The following WDPCP variants were observed in gnomAD, a reference collection of about 807,000 sequenced individuals.
WDPCP encodes the protein WD repeat-containing and planar cell polarity effector protein fritz homolog.
Under a neutral mutation model 93.1 loss-of-function variants are expected in WDPCP, and 71 were observed. That is an observed-to-expected ratio of 0.76 (90% CI 0.63 to 0.93). The LOEUF is 0.93. WDPCP is among the 40% of genes least tolerant of loss of function. The pLI, the probability that WDPCP is intolerant of heterozygous loss-of-function variation, is 0.00. For missense variants in WDPCP, 844 were observed against 887.4 expected, an observed-to-expected ratio of 0.95 and a Z score of 0.62; for synonymous variants, 315 against 315.0, an observed-to-expected ratio of 1.00 and a Z score of 0.00.
At chr2:63,589,180 ATCT>A (rs958972234), upstream of WDPCP, 4 of 1,607,478 alleles carry the variant, frequency 2.5e-6, no homozygotes, top group African/African-American at 1.3e-5. Context: ...GCTCGGACTC[ATCT>A]TCTGGGGATT....
At chr2:63,180,609 T>C (rs1018360531) in intron 14 of WDPCP, among the ~76,000 whole-genome samples, 14 of 152,168 alleles carry the variant, frequency 9.2e-5, no homozygotes, top group African/African-American at 3.4e-4. Context: ...GGTGATTCCA[T>C]CTCTTTGGTA....
intron 13 of WDPCP, among the ~76,000 whole-genome samples, chr2:63,259,622 A>C (rs1260551476): frequency 6.6e-6 from 1 of 152,216 alleles, no homozygotes; most frequent in Non-Finnish European, 1.5e-5. Flanking sequence ...ATTTAAATAA[A>C]TTATTTTAAG....
At chr2:63,294,899 A>G (rs960357541) in intron 13 of WDPCP, among the ~76,000 whole-genome samples, 3 of 152,206 alleles carry the variant, frequency 2.0e-5, no homozygotes, top group African/African-American at 7.2e-5. Context: ...TTTGGTTGGT[A>G]ATACTACATT....
chr2:63,145,050 G>C (rs114594168), intron 17 of WDPCP, among the ~76,000 whole-genome samples: 2,930 of 152,204 alleles, frequency 0.019, 104 homozygotes, highest in African/African-American at 0.067. Flanking sequence ...TACCCAGCTG[G>C]TTTATCTGGC....
intron 1 of WDPCP, among the ~76,000 whole-genome samples, chr2:63,494,833 T>C (rs941211051): frequency 6.9e-6 from 1 of 145,222 alleles, no homozygotes; most frequent in African/African-American, 2.6e-5. Context: ...GGCAGGAGAA[T>C]GGCGTGAACG....
intron 2 of WDPCP, among the ~76,000 whole-genome samples, chr2:63,703,420 G>C (rs1041395531): frequency 6.6e-6 from 1 of 152,170 alleles, no homozygotes; most frequent in Non-Finnish European, 1.5e-5. Context: ...CATTCTAAGT[G>C]GTGTGAGATG....
chr2:63,489,048 G>A (rs1700724553), intron 2 of WDPCP, among the ~76,000 whole-genome samples: 1 of 152,062 alleles, frequency 6.6e-6, no homozygotes, highest in African/African-American at 2.4e-5. Context: ...CAACAGCCTG[G>A]TGTAGGGTAT....
intron 12 of WDPCP, among the ~76,000 whole-genome samples, chr2:63,321,565 T>A (rs935775311): frequency 2.0e-5 from 3 of 152,160 alleles, no homozygotes; most frequent in Non-Finnish European, 2.9e-5. Context: ...TTATATCTCC[T>A]ACAATTTCTG....
At chr2:63,709,501 A>G (rs377565039) in intron 2 of WDPCP, among the ~76,000 whole-genome samples, 1 of 152,166 alleles carries the variant, frequency 6.6e-6, no homozygotes, top group African/African-American at 2.4e-5. Flanking sequence ...AATAAATAGA[A>G]TCAATTTCAA....
chr2:63,609,892 T>C (rs1378032132), intron 3 of WDPCP, among the ~76,000 whole-genome samples: 1 of 152,176 alleles, frequency 6.6e-6, no homozygotes, highest in Non-Finnish European at 1.5e-5. Context: ...AAGAAAATGT[T>C]ATATGAAGAA....
intron 2 of WDPCP, among the ~76,000 whole-genome samples, chr2:63,796,891 C>T (rs1670625418): frequency 6.6e-6 from 1 of 152,128 alleles, no homozygotes. Context: ...TTTGCACCAC[C>T]CCTCTCCCAA....
intron 1 of WDPCP, among the ~76,000 whole-genome samples, chr2:63,534,111 A>C (rs1315763514): frequency 6.6e-6 from 1 of 152,224 alleles, no homozygotes; most frequent in Non-Finnish European, 1.5e-5. Flanking sequence ...GAAAATCTAG[A>C]AGAAATGGAT....
At chr2:63,212,436 C>A (rs1676902594) in intron 14 of WDPCP, among the ~76,000 whole-genome samples, 1 of 152,112 alleles carries the variant, frequency 6.6e-6, no homozygotes, top group Non-Finnish European at 1.5e-5. Flanking sequence ...TTGTCACCAC[C>A]AGGCCTGCCT....
chr2:63,353,375 A>T (rs559073343), intron 12 of WDPCP, among the ~76,000 whole-genome samples: 1 of 152,302 alleles, frequency 6.6e-6, no homozygotes, highest in South Asian at 2.1e-4. Context: ...GACTGAGCAA[A>T]AACAGCCTGC....
At chr2:63,304,686 C>A (rs1235250627) in intron 13 of WDPCP, among the ~76,000 whole-genome samples, 1 of 152,156 alleles carries the variant, frequency 6.6e-6, no homozygotes, top group Non-Finnish European at 1.5e-5. Flanking sequence ...TGGGAAGACA[C>A]CGAGCTAGCT....
intron 13 of WDPCP, among the ~76,000 whole-genome samples, chr2:63,266,881 A>G (rs923840819): frequency 2.6e-5 from 4 of 152,206 alleles, no homozygotes; most frequent in Non-Finnish European, 5.9e-5. Context: ...TAGTAGAAAC[A>G]GTAGTGTTAA....
chr2:63,329,136 C>T (rs1042662407), intron 12 of WDPCP, among the ~76,000 whole-genome samples: 3 of 152,208 alleles, frequency 2.0e-5, no homozygotes, highest in Non-Finnish European at 2.9e-5. Flanking sequence ...CGTTAGATCT[C>T]TAGGTCTTAC....
chr2:63,738,897 C>T (rs898686993), intron 2 of WDPCP, among the ~76,000 whole-genome samples: 1 of 151,950 alleles, frequency 6.6e-6, no homozygotes, highest in Non-Finnish European at 1.5e-5. Flanking sequence ...ATATTAACTC[C>T]CAAGGTTACT....
intron 2 of WDPCP, among the ~76,000 whole-genome samples, chr2:63,653,028 T>G (rs1558876066): frequency 1.4e-5 from 2 of 143,034 alleles, no homozygotes; most frequent in East Asian, 4.2e-4. Flanking sequence ...AAGGAATAAA[T>G]AAGATGAATC....
Sources: gnomAD v4.1 joint callset for allele counts (sites outside exome capture counted in the v4.1 genomes callset) on GRCh38, gnomAD v4.1.1 for gene constraint, MANE v1.5 for transcripts, NCBI Gene and HGNC (gene_info 2026-07-23, HGNC 2026-07-21) for gene names.